The following EPHA7 variants were observed in gnomAD, a reference collection of about 807,000 sequenced individuals.
EPHA7 encodes ephrin type-A receptor 7.
EPHA7 carries 25 observed loss-of-function variants against 112.6 expected under a neutral mutation model. The ratio of observed to expected loss-of-function variants is 0.22; its 90% confidence interval spans 0.16 to 0.31. EPHA7 has a LOEUF of 0.31. Ranked by LOEUF, EPHA7 falls within the 10% of genes least tolerant of loss-of-function variation. The probability of loss-of-function intolerance (pLI) is 1.00; values close to 1 mark genes in which losing one functional copy is unlikely to be tolerated. For synonymous variants in EPHA7, 437 were observed against 406.5 expected (o/e 1.07, Z -0.90); for missense variants, 962 against 1,212.6 (o/e 0.79, Z 3.07).
chr6:93,315,299 C>T (rs190003435), intron 5 of EPHA7, among the ~76,000 whole-genome samples: 1 of 152,208 alleles, frequency 6.6e-6, no homozygotes, highest in African/African-American at 2.4e-5. Context: ...CTTAGGTATT[C>T]ACACTTAACA....
At chr6:93,302,371 G>T (rs372455241) in intron 5 of EPHA7, among the ~76,000 whole-genome samples, 1 of 151,882 alleles carries the variant, frequency 6.6e-6, no homozygotes, top group Non-Finnish European at 1.5e-5. Context: ...TTGACCTCTC[G>T]TTCTTCAGTG....
At chr6:93,330,388 C>A (rs1239739478) in intron 5 of EPHA7, among the ~76,000 whole-genome samples, 1 of 151,180 alleles carries the variant, frequency 6.6e-6, no homozygotes, top group Non-Finnish European at 1.5e-5. Flanking sequence ...AACACCATAG[C>A]TTATTTCTCT....
intron 5 of EPHA7, among the ~76,000 whole-genome samples, chr6:93,321,627 G>A (rs1044279751): frequency 6.6e-6 from 1 of 151,850 alleles, no homozygotes; most frequent in Non-Finnish European, 1.5e-5. Flanking sequence ...CTAGACTTCT[G>A]GAATTGACAT....
chr6:93,258,018 ATT>A, intron 11 of EPHA7, 79 bp downstream of exon 11: 1 of 1,296,254 alleles, frequency 7.7e-7, no homozygotes, highest in East Asian at 2.4e-5. Context: ...ATATTTCATA[ATT>A]TGTTTTATTG....
chr6:93,251,229 T>C (rs1012179949), intron 14 of EPHA7, among the ~76,000 whole-genome samples: 5 of 152,158 alleles, frequency 3.3e-5, no homozygotes, highest in African/African-American at 1.2e-4. Flanking sequence ...AAATATAAAG[T>C]CATAAATCAG....
intron 5 of EPHA7, among the ~76,000 whole-genome samples, chr6:93,295,870 A>G (rs1233783442): frequency 2.6e-5 from 4 of 151,846 alleles, no homozygotes; most frequent in Admixed American, 1.3e-4. Context: ...ATACATCCCC[A>G]TAACTTCATC....
intron 3 of EPHA7, among the ~76,000 whole-genome samples, chr6:93,361,282 A>G (rs757761512): frequency 1.6e-4 from 24 of 152,080 alleles, no homozygotes; most frequent in Non-Finnish European, 3.2e-4. Context: ...TTTTCATTTG[A>G]TCTCAAAGGA....
At chr6:93,317,381 AAC>A (rs1773864088) in intron 5 of EPHA7, among the ~76,000 whole-genome samples, 1 of 152,198 alleles carries the variant, frequency 6.6e-6, no homozygotes, top group Admixed American at 6.5e-5. Context: ...GCTGAGAAAA[AAC>A]AGTTCTTCAA....
intron 5 of EPHA7, among the ~76,000 whole-genome samples, chr6:93,339,021 G>T (rs1220519963): frequency 2.7e-5 from 4 of 150,300 alleles, no homozygotes; most frequent in Admixed American, 6.7e-5. Context: ...AATACCGTAG[G>T]ATACCAACAT....
intron 3 of EPHA7, among the ~76,000 whole-genome samples, chr6:93,398,553 C>T (rs1327007058): frequency 1.3e-5 from 2 of 151,140 alleles, no homozygotes; most frequent in Admixed American, 6.6e-5. Flanking sequence ...ACATTTAATG[C>T]CAGTGTCTAA....
chr6:93,354,644 A>AAG (rs1775854591), intron 5 of EPHA7, among the ~76,000 whole-genome samples: 2 of 150,760 alleles, frequency 1.3e-5, no homozygotes, highest in African/African-American at 4.8e-5. Context: ...AAAAAAAAAA[A>AAG]AAAAACCCTC....
At chr6:93,278,200 C>T (rs1771560009) in intron 5 of EPHA7, among the ~76,000 whole-genome samples, 1 of 151,964 alleles carries the variant, frequency 6.6e-6, no homozygotes, top group Non-Finnish European at 1.5e-5. Context: ...TAAGGGGCAT[C>T]AGTTTGTGGA....
chr6:93,409,017 T>G (rs1330888429), intron 3 of EPHA7, among the ~76,000 whole-genome samples: 1 of 152,010 alleles, frequency 6.6e-6, no homozygotes, highest in Non-Finnish European at 1.5e-5. Flanking sequence ...AAATCCAGTG[T>G]GTAACTTTTA....
intron 5 of EPHA7, among the ~76,000 whole-genome samples, chr6:93,293,818 T>C (rs1423042541): frequency 6.6e-6 from 1 of 152,210 alleles, no homozygotes; most frequent in Non-Finnish European, 1.5e-5. Context: ...TATGGTTCCT[T>C]TGTCTTGTCT....
At chr6:93,314,033 T>C (rs2127870333) in intron 5 of EPHA7, among the ~76,000 whole-genome samples, 1 of 152,300 alleles carries the variant, frequency 6.6e-6, no homozygotes, top group Middle Eastern at 3.4e-3. Context: ...TCGTTTTCAA[T>C]TCTTCTATGT....
chr6:93,366,647 C>G (rs1298730131), intron 3 of EPHA7, among the ~76,000 whole-genome samples: 1 of 152,132 alleles, frequency 6.6e-6, no homozygotes, highest in East Asian at 1.9e-4. Context: ...TGCATCCACA[C>G]GGCACCCCTG....
chr6:93,301,906 C>G (rs947041426), intron 5 of EPHA7, among the ~76,000 whole-genome samples: 12 of 152,170 alleles, frequency 7.9e-5, no homozygotes, highest in Admixed American at 6.6e-5. Context: ...ACATGCCTTA[C>G]TCTATCCTTA....
intron 5 of EPHA7, among the ~76,000 whole-genome samples, chr6:93,300,365 T>A (rs1772915802): frequency 1.3e-5 from 2 of 152,190 alleles, no homozygotes; most frequent in South Asian, 4.1e-4. Context: ...CTAAATTTTA[T>A]CAAAAATAAT....
chr6:93,362,507 A>C (rs529615493), intron 3 of EPHA7, among the ~76,000 whole-genome samples: 2 of 152,246 alleles, frequency 1.3e-5, no homozygotes, highest in South Asian at 4.1e-4. Context: ...AAAGCACCAA[A>C]ATTCTGAAAT....
Sources: gnomAD v4.1 joint callset for allele counts (sites outside exome capture counted in the v4.1 genomes callset) on GRCh38, gnomAD v4.1.1 for gene constraint, MANE v1.5 for transcripts, NCBI Gene and HGNC (gene_info 2026-07-23, HGNC 2026-07-21) for gene names.